The following EEA1 variants were observed in gnomAD, a reference collection of about 807,000 sequenced individuals.
EEA1 encodes early endosome antigen 1, 162kD.
EEA1 carries 111 observed loss-of-function variants against 209.2 expected under a neutral mutation model. That is an observed-to-expected ratio of 0.53 (90% CI 0.45 to 0.62). The LOEUF is 0.62. EEA1 is among the 20% of genes least tolerant of loss of function. EEA1 has a pLI of 0.00. For synonymous variants in EEA1, 536 were observed against 540.6 expected, an observed-to-expected ratio of 0.99 and a Z score of 0.12; for missense variants, 1,343 against 1,530.8, an observed-to-expected ratio of 0.88 and a Z score of 2.05.
intron 21 of EEA1, among the ~76,000 whole-genome samples, chr12:92,798,126 T>C (rs1487136636): frequency 2.0e-5 from 3 of 152,172 alleles, no homozygotes; most frequent in Non-Finnish European, 2.9e-5. Context: ...AATAATAAAT[T>C]AGAATAGATT....
chr12:92,784,524 C>T (rs1874045324), intron 22 of EEA1, among the ~76,000 whole-genome samples: 1 of 152,128 alleles, frequency 6.6e-6, no homozygotes, highest in African/African-American at 2.4e-5. Context: ...AACCTCTAAC[C>T]ACAAGATTTC....
chr12:92,811,526 A>C, intron 16 of EEA1, 92 bp from the exon 17 acceptor site: 1 of 838,658 alleles, frequency 1.2e-6, no homozygotes, highest in Non-Finnish European at 1.6e-6. Context: ...CTCTAATTTT[A>C]TTTAAAAAAA....
chr12:92,864,835 A>G (rs781209430), intron 3 of EEA1, 25 bp downstream of exon 3: 31 of 1,552,212 alleles, frequency 2.0e-5, no homozygotes, highest in Non-Finnish European at 2.6e-5. Context: ...CCATAACATT[A>G]TACTTCAAAA....
At chr12:92,798,380 G>A (rs530765621) in intron 21 of EEA1, among the ~76,000 whole-genome samples, 26 of 148,950 alleles carry the variant, frequency 1.7e-4, no homozygotes, top group African/African-American at 6.2e-4. Flanking sequence ...TACCTCTGTC[G>A]CCCAGGCTGA....
At chr12:92,866,380 G>A (rs1288280011) in intron 2 of EEA1, among the ~76,000 whole-genome samples, 1 of 151,758 alleles carries the variant, frequency 6.6e-6, no homozygotes. Context: ...CCCTCTATTA[G>A]AGATACAAAA....
chr12:92,882,323 G>T (rs1879183131), intron 2 of EEA1, among the ~76,000 whole-genome samples: 2 of 151,832 alleles, frequency 1.3e-5, no homozygotes, highest in Non-Finnish European at 2.9e-5. Flanking sequence ...GGCCAGGCTG[G>T]TCTCAAACTC....
chr12:92,823,298 T>C (rs1464690002), intron 13 of EEA1, among the ~76,000 whole-genome samples: 1 of 152,228 alleles, frequency 6.6e-6, no homozygotes, highest in East Asian at 1.9e-4. Flanking sequence ...TGAGATCTGC[T>C]ATAAACTTAC....
chr12:92,883,422 G>A (rs942151627), intron 2 of EEA1, among the ~76,000 whole-genome samples: 17 of 151,930 alleles, frequency 1.1e-4, no homozygotes, highest in Admixed American at 3.9e-4. Flanking sequence ...TAATTAGTCC[G>A]GCTTGTCAAT....
intron 14 of EEA1, among the ~76,000 whole-genome samples, chr12:92,818,505 G>T (rs1398603245): frequency 1.3e-5 from 2 of 152,104 alleles, no homozygotes; most frequent in African/African-American, 4.8e-5. Flanking sequence ...TCTTTAAAAT[G>T]AATGCAGGGC....
chr12:92,853,867 TAAG>T (rs1409763321), intron 6 of EEA1, 45 bp downstream of exon 6: 1 of 1,543,184 alleles, frequency 6.5e-7, no homozygotes, highest in Non-Finnish European at 8.8e-7. Flanking sequence ...GGAAAACAAA[TAAG>T]AAGAAAAAGA....
intron 2 of EEA1, among the ~76,000 whole-genome samples, chr12:92,880,962 A>AC (rs1374138422): frequency 2.6e-5 from 4 of 152,242 alleles, no homozygotes; most frequent in Non-Finnish European, 5.9e-5. Context: ...TGACAGACTG[A>AC]TGAGTTCTTT....
At chr12:92,807,630 ATAC>A (rs1419215269) in intron 18 of EEA1, among the ~76,000 whole-genome samples, 55 of 152,206 alleles carry the variant, frequency 3.6e-4, no homozygotes, top group African/African-American at 1.2e-3. Context: ...TTCTATTTTT[ATAC>A]TAGTCATAAG....
At chr12:92,856,922 G>C (rs193175455) in intron 5 of EEA1, among the ~76,000 whole-genome samples, 363 of 151,626 alleles carry the variant, frequency 2.4e-3, no homozygotes, top group Middle Eastern at 0.021. Flanking sequence ...CAGGCACATG[G>C]CACCACACTC....
At chr12:92,787,289 T>C (rs1592701453) in intron 22 of EEA1, among the ~76,000 whole-genome samples, 1 of 152,240 alleles carries the variant, frequency 6.6e-6, no homozygotes, top group East Asian at 1.9e-4. Context: ...ACTGGTACCT[T>C]CCTGTGACCT....
intron 1 of EEA1, among the ~76,000 whole-genome samples, chr12:92,915,740 A>T (rs530517604): frequency 1.3e-5 from 2 of 152,300 alleles, no homozygotes; most frequent in East Asian, 3.9e-4. Flanking sequence ...TTCTTCATTG[A>T]TAAACTCTAA....
At chr12:92,781,474 GA>G (rs1237428098) in intron 23 of EEA1, among the ~76,000 whole-genome samples, 5 of 152,098 alleles carry the variant, frequency 3.3e-5, no homozygotes, top group African/African-American at 1.2e-4. Context: ...AATTTAAAGT[GA>G]TTTTTAAAAT....
At position 92,787,955 on chromosome 12, in the gene EEA1, T is replaced by C. The variant is rs144885435; in HGVS notation, c.3062A>G (p.Tyr1021Cys). The C allele has an allele frequency of 9.0e-5, 145 of 1,613,388 alleles. 2 individuals are homozygous for C. In the Middle Eastern group the frequency reaches 4.6e-3, roughly 52 times the overall value. Residue 1021 changes from tyrosine to cysteine, a missense_variant, in exon 22 of 29, where the codon TAT becomes TGT. By Grantham distance (194) the Tyr-to-Cys change is radical (BLOSUM62 -2). This residue lies in a region of EEA1 where 1,307 missense variants were observed against 1,465.5 expected (regional missense o/e 0.89). Coordinates refer to ENST00000322349, the MANE Select transcript of EEA1 (RefSeq NM_003566.4). ...KEKISVLQNNYEKSQETFKQL... is the reference protein window; with the variant it reads ...KEKISVLQNNCEKSQETFKQL... ...TTTGAAAGTTTCCTGACTTTTTTCA[T>C]AGTTGTTTTGTAATACTGATATTTT...
chr12:92,881,000 GA>G (rs1198311087), intron 2 of EEA1, among the ~76,000 whole-genome samples: 11 of 152,318 alleles, frequency 7.2e-5, no homozygotes, highest in Admixed American at 2.6e-4. Flanking sequence ...ATGAATACTA[GA>G]GAAGCCAGCA....
At chr12:92,843,205 T>C (rs1877246780) in intron 9 of EEA1, among the ~76,000 whole-genome samples, 1 of 152,188 alleles carries the variant, frequency 6.6e-6, no homozygotes, top group Non-Finnish European at 1.5e-5. Flanking sequence ...TCACCCAGGC[T>C]TGAGTGAAGT....
Sources: gnomAD v4.1 joint callset for allele counts (sites outside exome capture counted in the v4.1 genomes callset) on GRCh38, gnomAD v4.1.1 for gene constraint, gnomAD v4.1.1 regional missense constraint, MANE v1.5 for transcripts, NCBI Gene and HGNC (gene_info 2026-07-23, HGNC 2026-07-21) for gene names.